Variants in MEGF10 observed in about 807,000 individuals in gnomAD.
The protein encoded by MEGF10 is multiple epidermal growth factor-like domains protein 10.
In MEGF10, 86 loss-of-function variants were observed where a neutral mutation model predicts 147.5. That is an observed-to-expected ratio of 0.58 (90% CI 0.49 to 0.70). MEGF10 has a LOEUF of 0.70. Ranked by LOEUF, MEGF10 falls within the 30% of genes least tolerant of loss-of-function variation. The pLI is 0.00. For missense variants in MEGF10, 1,329 were observed against 1,487.3 expected (o/e 0.89, Z 1.75); for synonymous variants, 478 against 525.5 (o/e 0.91, Z 1.24).
chr5:127,242,090 G>A, the MEGF10 span, among the ~76,000 whole-genome samples: 35 of 152,310 alleles, frequency 2.3e-4, no homozygotes, highest in African/African-American at 7.9e-4. Flanking sequence ...TATGAAATCA[G>A]TGAATGAATG....
At chr5:127,439,781 T>C (rs1191089216) in intron 17 of MEGF10, among the ~76,000 whole-genome samples, 2 of 152,202 alleles carry the variant, frequency 1.3e-5, no homozygotes, top group African/African-American at 4.8e-5. Flanking sequence ...CTTAGGGTAC[T>C]TGGGGCTTAG....
chr5:127,385,642 T>G lies in MEGF10; in HGVS notation c.413-10890T>G, dbSNP rs1329221646. 3.9e-5 allele frequency among the ~76,000 whole-genome samples: 6 copies of G among 152,218 alleles called. No homozygotes were observed. The East Asian group carries it at 1.2e-3, about 29-fold the overall frequency. On this transcript the variant is annotated intron_variant, in intron 5 of 24. Transcript: ENST00000503335. ...ACAGTAACACCAGTGGGGTTAGTTA[T>G]GTATTATAAGCGGACATCTCTTTCC...
intron 5 of MEGF10, among the ~76,000 whole-genome samples, chr5:127,385,006 G>GA (rs1471560130): frequency 2.6e-5 from 4 of 152,196 alleles, no homozygotes; most frequent in African/African-American, 9.6e-5. Context: ...TAAGAAGAAA[G>GA]GGTGTATGTT....
intron 4 of MEGF10, among the ~76,000 whole-genome samples, chr5:127,357,432 A>G (rs1457247131): frequency 5.3e-5 from 8 of 152,044 alleles, no homozygotes; most frequent in Admixed American, 5.3e-4. Context: ...TATATAAATG[A>G]TAGATCGGGC....
In MEGF10 at chr5:127,454,588, C is replaced by T. The variant is rs35159176; in HGVS notation, c.3003C>T (p.Ser1001=). ...NELGAFGLDR[S]YMGKSLKDLG... ...CAGGTGCTTTTGGACTTGACAGAAG[C>T]TATATGGGAAAATCCTTAAAAGGTA... Residue 1001 remains serine (S), a synonymous_variant, in exon 23 of 25, where the codon AGC becomes AGT. Transcript: ENST00000503335. 4,238 of 1,607,542 alleles carry T rather than the reference C, an allele frequency of 2.6e-3. 10 individuals carry two copies. Among genetic ancestry groups the T allele is most frequent in the Admixed American group, 3.7e-3 (219 of 59,080 alleles).
chr5:127,240,297 G>A, the MEGF10 span, among the ~76,000 whole-genome samples: 1 of 152,040 alleles, frequency 6.6e-6, no homozygotes, highest in African/African-American at 2.4e-5. Context: ...CCCCAGCATG[G>A]GCCTGGTAGC....
chr5:127,445,773 C>T (rs778456996), intron 20 of MEGF10, 80 bp downstream of exon 20: 4 of 977,462 alleles, frequency 4.1e-6, no homozygotes, highest in Non-Finnish European at 6.5e-6. Context: ...GGGTGTTTGG[C>T]TGTGCTGTCC....
At chr5:127,437,185 G>C (rs1405797752) in intron 16 of MEGF10, among the ~76,000 whole-genome samples, 1 of 152,208 alleles carries the variant, frequency 6.6e-6, no homozygotes, top group East Asian at 1.9e-4. Flanking sequence ...AAATGGGCTA[G>C]ACGCTTCAAC....
chr5:127,371,181 G>A (rs1294399882), intron 5 of MEGF10, among the ~76,000 whole-genome samples: 1 of 147,952 alleles, frequency 6.8e-6, no homozygotes, highest in Non-Finnish European at 1.5e-5. Flanking sequence ...ACCTTAAACA[G>A]GGACTGGGAC....
chr5:127,446,951 T>C (rs1431509758), intron 20 of MEGF10, among the ~76,000 whole-genome samples: 1 of 152,172 alleles, frequency 6.6e-6, no homozygotes, highest in East Asian at 1.9e-4. Context: ...AAAGGCCTGC[T>C]TGACTCGATT....
chr5:127,434,872 A>G lies in MEGF10; in HGVS notation c.1975+51A>G, dbSNP rs746630781. 1.1e-4 allele frequency: 171 copies of G among 1,580,894 alleles called. 1 individual carries two copies. Among genetic ancestry groups the G allele is most frequent in the Non-Finnish European group, 1.3e-4 (155 of 1,167,460 alleles). ...CTGGGTGGTGATGAGCACGCCCCGG[A>G]GAGTCTGTCCTCAGGCCTCCCCTTG... On this transcript the variant is annotated intron_variant, in intron 15 of 24. Transcript: ENST00000503335.
At chr5:127,385,915 G>C (rs1006952084) in intron 5 of MEGF10, among the ~76,000 whole-genome samples, 4 of 152,124 alleles carry the variant, frequency 2.6e-5, no homozygotes, top group African/African-American at 9.7e-5. Flanking sequence ...GACCAGCCTG[G>C]GCATCGTAGT....
intron 4 of MEGF10, among the ~76,000 whole-genome samples, chr5:127,348,847 G>T (rs1353219328): frequency 6.6e-6 from 1 of 152,022 alleles, no homozygotes; most frequent in African/African-American, 2.4e-5. Context: ...TCAGCTTCCA[G>T]GCTGACAAAC....
At chr5:127,421,314 G>A (rs542417207) in intron 12 of MEGF10, among the ~76,000 whole-genome samples, 1 of 152,272 alleles carries the variant, frequency 6.6e-6, no homozygotes, top group South Asian at 2.1e-4. Context: ...AACATTGGTG[G>A]GGTCTACAAA....
the MEGF10 span, among the ~76,000 whole-genome samples, chr5:127,247,446 GAAGAA>G: frequency 8.3e-6 from 1 of 120,444 alleles, no homozygotes; most frequent in East Asian, 2.2e-4. Flanking sequence ...AGAAGAAGAA[GAAGAA>G]GAAGAAGAAG....
At chr5:127,273,422 T>C in the MEGF10 span, among the ~76,000 whole-genome samples, 2 of 152,344 alleles carry the variant, frequency 1.3e-5, no homozygotes, top group Non-Finnish European at 2.9e-5. Flanking sequence ...GATATTTCAG[T>C]TGAAGGTGCT....
At position 127,306,079 on chromosome 5, in the gene MEGF10, T is replaced by C. The variant is rs144336025; in HGVS notation, c.-19+15023T>C. On this transcript the variant is annotated intron_variant, in intron 1 of 24. Coordinates refer to ENST00000503335, the MANE Select transcript of MEGF10 (RefSeq NM_001256545.2). Reference sequence around the variant, plus strand: ...CTCTTCACCCAAGGAAGGTTTCTTGTAGCTTAACCTAAGGAGTTTTCTGCT... The same window carrying C: ...CTCTTCACCCAAGGAAGGTTTCTTGCAGCTTAACCTAAGGAGTTTTCTGCT... Among the ~76,000 whole-genome samples the C allele has an allele frequency of 4.4e-3, 669 of 152,356 alleles. 7 individuals carry two copies. Among genetic ancestry groups the C allele is most frequent in the African/African-American group, 0.015 (638 of 41,582 alleles).
chr5:127,273,250 A>C, the MEGF10 span, among the ~76,000 whole-genome samples: 4 of 152,190 alleles, frequency 2.6e-5, no homozygotes, highest in South Asian at 8.3e-4. Context: ...GTGGTTTCCC[A>C]GGGTGGTGCA....
chr5:127,437,031 T>A (rs1765574995), intron 16 of MEGF10, among the ~76,000 whole-genome samples: 1 of 152,204 alleles, frequency 6.6e-6, no homozygotes, highest in African/African-American at 2.4e-5. Flanking sequence ...CATTCTCTGA[T>A]CATAACAAAT....
Sources: allele counts gnomAD v4.1 joint callset (sites outside exome capture counted in the v4.1 genomes callset), GRCh38; gene constraint gnomAD v4.1.1; transcripts MANE v1.5; gene names NCBI Gene and HGNC (gene_info 2026-07-23, HGNC 2026-07-21).